The following IGF2BP2 variants were observed in gnomAD, a reference collection of about 807,000 sequenced individuals.
IGF2BP2 encodes the protein insulin like growth factor 2 mRNA binding protein 2.
IGF2BP2 carries 17 observed loss-of-function variants against 75.8 expected under a neutral mutation model. The observed-to-expected ratio is 0.22, with a 90% CI of 0.15 to 0.34. The LOEUF (loss-of-function observed/expected upper bound fraction) is 0.34, where lower values mean the gene tolerates loss of function less well. IGF2BP2 is among the 10% of genes least tolerant of loss of function. The pLI is 1.00. For missense variants in IGF2BP2, 516 were observed against 772.4 expected (o/e 0.67, Z 3.93); for synonymous variants, 288 against 295.6 (o/e 0.97, Z 0.26).
chr3:185,701,367 T>TAA (rs558141080), intron 2 of IGF2BP2, among the ~76,000 whole-genome samples: 1,307 of 117,104 alleles, frequency 0.011, 11 homozygotes, highest in African/African-American at 0.035. Flanking sequence ...ACCTGCTAAG[T>TAA]AAAAAAAAAA....
intron 2 of IGF2BP2, among the ~76,000 whole-genome samples, chr3:185,815,463 T>C (rs1740473778): frequency 6.6e-6 from 1 of 152,208 alleles, no homozygotes; most frequent in Admixed American, 6.5e-5. Context: ...CTTCTGAAGT[T>C]CTGGTCAGGA....
intron 2 of IGF2BP2, among the ~76,000 whole-genome samples, chr3:185,786,522 A>G (rs931256186): frequency 4.0e-5 from 6 of 151,748 alleles, no homozygotes; most frequent in African/African-American, 1.5e-4. Flanking sequence ...AAGCTCCCCC[A>G]CTGAGCACCT....
chr3:185,806,306 T>A (rs899682714), intron 2 of IGF2BP2, among the ~76,000 whole-genome samples: 2 of 152,194 alleles, frequency 1.3e-5, no homozygotes, highest in African/African-American at 4.8e-5. Flanking sequence ...TAACTTAGCA[T>A]CTATTCTGGT....
rs1722102727 is a variant in IGF2BP2, at chr3:185,692,693, G to A, written c.404+6C>T. The stretch of plus-strand genomic sequence containing the variant: ...TTTAAACAGAAATAAGCCCAAATCT[G>A]CTTACATTTTTGCTTCTTCTCTTGT... On this transcript the variant is annotated splice_donor_region_variant and intron_variant, in intron 5 of 15. Transcript: ENST00000382199. The A allele has an allele frequency of 1.2e-6, 2 of 1,608,366 alleles. No individual in the cohort carries two copies. The highest frequency in any genetic ancestry group is 3.3e-5 in the Admixed American group (2 of 59,906).
At chr3:185,787,837 G>C (rs527319818) in intron 2 of IGF2BP2, among the ~76,000 whole-genome samples, 1 of 152,192 alleles carries the variant, frequency 6.6e-6, no homozygotes, top group African/African-American at 2.4e-5. Context: ...TGTTTTCTCA[G>C]CACCAAGAAC....
intron 2 of IGF2BP2, chr3:185,722,635 C>G (rs1480345381): frequency 1.1e-5 from 2 of 184,096 alleles, no homozygotes; most frequent in Non-Finnish European, 2.3e-5. Context: ...AAAAATCAAT[C>G]TGGTGGAGGT....
At chr3:185,646,918 G>A in intron 15 of IGF2BP2, 107 bp downstream of exon 15, 1 of 795,868 alleles carries the variant, frequency 1.3e-6, no homozygotes, top group South Asian at 1.5e-5. Flanking sequence ...TTCCATCTTG[G>A]CGTGGATTGA....
chr3:185,687,902 T>A (rs1721374120), intron 6 of IGF2BP2, among the ~76,000 whole-genome samples: 1 of 152,210 alleles, frequency 6.6e-6, no homozygotes. Flanking sequence ...CTTTGAGAGC[T>A]AACCCCACTT....
intron 3 of IGF2BP2, among the ~76,000 whole-genome samples, chr3:185,696,907 C>T (rs535991767): frequency 1.3e-5 from 2 of 152,202 alleles, no homozygotes; most frequent in Non-Finnish European, 2.9e-5. Flanking sequence ...GAATTTCAGA[C>T]TCTTAGTAAC....
At chr3:185,693,857 A>G (rs1722250161) in intron 4 of IGF2BP2, among the ~76,000 whole-genome samples, 1 of 152,224 alleles carries the variant, frequency 6.6e-6, no homozygotes, top group South Asian at 2.1e-4. Context: ...ATAAAACTCT[A>G]TAATATACGA....
At chr3:185,770,885 G>A (rs1733779597) in intron 2 of IGF2BP2, among the ~76,000 whole-genome samples, 1 of 152,188 alleles carries the variant, frequency 6.6e-6, no homozygotes, top group South Asian at 2.1e-4. Context: ...CTAGCAGCTA[G>A]GACTACAGAT....
chr3:185,674,539 T>C (rs1004046677), intron 9 of IGF2BP2, among the ~76,000 whole-genome samples: 1 of 152,238 alleles, frequency 6.6e-6, no homozygotes, highest in East Asian at 1.9e-4. Flanking sequence ...ACAAACCTAA[T>C]GAGTCTGCTA....
intron 2 of IGF2BP2, among the ~76,000 whole-genome samples, chr3:185,791,424 T>A (rs1317144092): frequency 1.3e-5 from 2 of 152,240 alleles, no homozygotes; most frequent in Non-Finnish European, 2.9e-5. Flanking sequence ...AGAGCCTGTC[T>A]CGAAAAAGAC....
chr3:185,652,035 T>A, intron 13 of IGF2BP2, 59 bp downstream of exon 13: 1 of 1,391,832 alleles, frequency 7.2e-7, no homozygotes, highest in South Asian at 1.3e-5. Flanking sequence ...TGAATGTGCC[T>A]CTGAGGTGGC....
intron 5 of IGF2BP2, among the ~76,000 whole-genome samples, chr3:185,690,478 CAT>C (rs1220930558): frequency 3.3e-5 from 5 of 152,308 alleles, no homozygotes; most frequent in South Asian, 2.1e-4. Flanking sequence ...ATAATTTACA[CAT>C]GACTCAACTG....
intron 2 of IGF2BP2, among the ~76,000 whole-genome samples, chr3:185,768,673 T>C (rs776733890): frequency 6.6e-6 from 1 of 152,236 alleles, no homozygotes; most frequent in Non-Finnish European, 1.5e-5. Context: ...AGCACTGCCC[T>C]CTAGTGGTGG....
At chr3:185,780,831 C>T (rs1735115879) in intron 2 of IGF2BP2, among the ~76,000 whole-genome samples, 1 of 152,152 alleles carries the variant, frequency 6.6e-6, no homozygotes, top group Admixed American at 6.6e-5. Context: ...AAGAAACCAG[C>T]TCAGAAAGGT....
intron 2 of IGF2BP2, among the ~76,000 whole-genome samples, chr3:185,768,290 T>C (rs1228280945): frequency 1.3e-5 from 2 of 152,216 alleles, no homozygotes; most frequent in Non-Finnish European, 2.9e-5. Context: ...CTCAGCCAGA[T>C]GCATGGCATC....
chr3:185,760,138 T>C (rs972718036), intron 2 of IGF2BP2, among the ~76,000 whole-genome samples: 1 of 152,244 alleles, frequency 6.6e-6, no homozygotes, highest in Non-Finnish European at 1.5e-5. Flanking sequence ...AATTGTCTTA[T>C]AATCCCATCC....
Sources: allele counts gnomAD v4.1 joint callset (sites outside exome capture counted in the v4.1 genomes callset), GRCh38; gene constraint gnomAD v4.1.1; transcripts MANE v1.5; gene names NCBI Gene and HGNC (gene_info 2026-07-23, HGNC 2026-07-21).